KCNMA1: variants seen among roughly 807,000 people sequenced by gnomAD.
KCNMA1 encodes the protein potassium calcium-activated channel subfamily M alpha 1.
Under a neutral mutation model 140.0 loss-of-function variants are expected in KCNMA1, and 29 were observed. The observed-to-expected ratio is 0.21, with a 90% CI of 0.15 to 0.28. The LOEUF is 0.28. Ranked by LOEUF, KCNMA1 falls within the 10% of genes least tolerant of loss-of-function variation. KCNMA1 has a pLI of 1.00. For missense variants in KCNMA1, 880 were observed against 1,602.2 expected (o/e 0.55, Z 7.70); for synonymous variants, 612 against 611.9 (o/e 1.00, Z 0.00).
At chr10:77,519,346 C>T (rs1156977541) in intron 1 of KCNMA1, among the ~76,000 whole-genome samples, 2 of 152,218 alleles carry the variant, frequency 1.3e-5, no homozygotes, top group Non-Finnish European at 2.9e-5. Flanking sequence ...ATGAAAGGCT[C>T]CTTCTCCATC....
intron 1 of KCNMA1, among the ~76,000 whole-genome samples, chr10:77,562,606 C>T (rs1230758578): frequency 1.3e-5 from 2 of 152,224 alleles, no homozygotes; most frequent in Non-Finnish European, 2.9e-5. Flanking sequence ...CTTATTCTCA[C>T]ATGACAATGC....
At chr10:76,966,526 C>T (rs769784533) in intron 20 of KCNMA1, among the ~76,000 whole-genome samples, 2 of 152,060 alleles carry the variant, frequency 1.3e-5, no homozygotes, top group Non-Finnish European at 2.9e-5. Context: ...GGTAAGGCCC[C>T]CAAATTAAGA....
intron 1 of KCNMA1, among the ~76,000 whole-genome samples, chr10:77,613,689 C>T (rs1877993): frequency 0.51 from 78,231 of 152,082 alleles, 20,594 homozygotes; most frequent in African/African-American, 0.59. Context: ...GCGTTCAAGC[C>T]AAAACTGCCT....
intron 7 of KCNMA1, among the ~76,000 whole-genome samples, chr10:77,110,721 T>A (rs2097300283): frequency 6.6e-6 from 1 of 152,262 alleles, no homozygotes; most frequent in African/African-American, 2.4e-5. Flanking sequence ...ATTCCGTCCC[T>A]GACCTTCCTC....
intron 23 of KCNMA1, among the ~76,000 whole-genome samples, chr10:76,938,892 T>C (rs543325435): frequency 1.6e-4 from 24 of 152,258 alleles, no homozygotes; most frequent in African/African-American, 5.3e-4. Flanking sequence ...AATTAATTAC[T>C]CTTTTCCTAT....
intron 19 of KCNMA1, chr10:76,977,626 T>A (rs760950512): frequency 7.1e-6 from 5 of 702,790 alleles, no homozygotes; most frequent in Non-Finnish European, 1.3e-5. Flanking sequence ...CAAAGAACAA[T>A]GTTCTTCCCA....
chr10:76,898,513 C>CAA (rs373371344), intron 25 of KCNMA1, among the ~76,000 whole-genome samples: 11 of 139,380 alleles, frequency 7.9e-5, no homozygotes, highest in African/African-American at 2.4e-4. Flanking sequence ...ACAACGATTA[C>CAA]AAAAAAAAAA....
At chr10:77,604,609 C>G (rs1439488226) in intron 1 of KCNMA1, among the ~76,000 whole-genome samples, 1 of 152,036 alleles carries the variant, frequency 6.6e-6, no homozygotes, top group Non-Finnish European at 1.5e-5. Flanking sequence ...GTCGCTTGAA[C>G]TCAGGAGGTG....
Position 76,889,496 on chromosome 10 carries a change from C to G in KCNMA1, c.3416G>C (p.Arg1139Pro). The change falls in exon 27 of 28, where the codon CGG (arginine) becomes CCG (proline). Residue 1139 changes from arginine (R) to proline (P), a missense_variant. Arg to Pro is a moderately radical substitution (Grantham distance 103). Transcript: ENST00000286628. ...TYNMLCFGIY[R>P]LRDAHLSTPS... ...GGTGCTGAGGTGAGCATCTCTCAGC[C>G]GGTAAATTCCAAAACAAAGCATATT... is the stretch of plus-strand genomic sequence containing the variant. The G allele has an allele frequency of 6.2e-7, 1 of 1,613,992 alleles. No individual in the cohort carries two copies. The highest frequency in any genetic ancestry group is 8.5e-7 in the Non-Finnish European group (1 of 1,179,964).
chr10:76,898,075 AC>A (rs920818139), intron 25 of KCNMA1, among the ~76,000 whole-genome samples: 12 of 151,930 alleles, frequency 7.9e-5, no homozygotes, highest in Admixed American at 3.3e-4. Context: ...CATGTAAAAA[AC>A]ATAATGCAAG....
chr10:77,583,896 G>A (rs2076515482), intron 1 of KCNMA1, among the ~76,000 whole-genome samples: 1 of 152,202 alleles, frequency 6.6e-6, no homozygotes, highest in African/African-American at 2.4e-5. Context: ...TGCCTTCCAG[G>A]TAGGAAAGGA....
At chr10:77,552,964 G>A (rs934950439) in intron 1 of KCNMA1, among the ~76,000 whole-genome samples, 10 of 152,092 alleles carry the variant, frequency 6.6e-5, no homozygotes, top group Admixed American at 3.3e-4. Flanking sequence ...CATGAGAATC[G>A]CTTGAACCCA....
intron 3 of KCNMA1, among the ~76,000 whole-genome samples, chr10:77,238,479 A>T (rs956760740): frequency 6.6e-6 from 1 of 152,182 alleles, no homozygotes; most frequent in African/African-American, 2.4e-5. Flanking sequence ...ATCTTGTCTT[A>T]CCTACCCCTT....
intron 19 of KCNMA1, among the ~76,000 whole-genome samples, chr10:76,981,231 C>T (rs2079327232): frequency 6.6e-6 from 1 of 152,144 alleles, no homozygotes; most frequent in South Asian, 2.1e-4. Flanking sequence ...GCATTCCCAC[C>T]CCCACCTGAC....
chr10:77,248,125 C>T (rs959839818), intron 3 of KCNMA1, among the ~76,000 whole-genome samples: 4 of 152,292 alleles, frequency 2.6e-5, no homozygotes, highest in African/African-American at 9.6e-5. Context: ...AGATCATAAA[C>T]CACCAATGAT....
intron 1 of KCNMA1, among the ~76,000 whole-genome samples, chr10:77,498,340 A>C (rs2042666049): frequency 6.6e-6 from 1 of 152,228 alleles, no homozygotes; most frequent in Non-Finnish European, 1.5e-5. Context: ...CCTGGGAATC[A>C]CATGGCAGAT....
intron 9 of KCNMA1, among the ~76,000 whole-genome samples, chr10:77,106,663 G>A (rs950551641): frequency 6.6e-6 from 1 of 152,208 alleles, no homozygotes; most frequent in African/African-American, 2.4e-5. Flanking sequence ...CAGAAGATAG[G>A]GAGGCCATAA....
At chr10:77,463,016 G>A (rs1021737175) in intron 1 of KCNMA1, among the ~76,000 whole-genome samples, 2 of 152,172 alleles carry the variant, frequency 1.3e-5, no homozygotes, top group Non-Finnish European at 2.9e-5. Context: ...AGGTCCTCCT[G>A]GGGTGGGGAG....
intron 13 of KCNMA1, among the ~76,000 whole-genome samples, chr10:77,079,276 A>AAAAG (rs1555210495): frequency 6.6e-6 from 1 of 152,054 alleles, no homozygotes; most frequent in Non-Finnish European, 1.5e-5. Flanking sequence ...ATCCCAAAAA[A>AAAAG]AAAGAAAGAA....
Sources: gnomAD v4.1 joint callset for allele counts (sites outside exome capture counted in the v4.1 genomes callset) on GRCh38, gnomAD v4.1.1 for gene constraint, MANE v1.5 for transcripts, NCBI Gene and HGNC (gene_info 2026-07-23, HGNC 2026-07-21) for gene names.